The following NME7 variants were observed in gnomAD, a reference collection of about 807,000 sequenced individuals.
The protein encoded by NME7 is nucleoside diphosphate kinase 7.
Under a neutral mutation model 49.1 loss-of-function variants are expected in NME7, and 41 were observed. That is an observed-to-expected ratio of 0.83 (90% confidence interval 0.65 to 1.08). NME7 has a LOEUF of 1.08. Among genes scored for constraint, NME7 ranks in the 50% least tolerant of loss-of-function variants. The pLI is 0.00. For synonymous variants in NME7, 139 were observed against 150.6 expected, an observed-to-expected ratio of 0.92 and a Z score of 0.56; for missense variants, 423 against 463.4, an observed-to-expected ratio of 0.91 and a Z score of 0.80.
chr1:169,229,892 G>A (rs767163508), intron 10 of NME7, among the ~76,000 whole-genome samples: 17 of 151,948 alleles, frequency 1.1e-4, no homozygotes, highest in Non-Finnish European at 2.2e-4. Flanking sequence ...AGCCCGGGAG[G>A]TGGAGGTTGC....
At chr1:169,201,631 C>T (rs146875287) in intron 10 of NME7, among the ~76,000 whole-genome samples, 1,942 of 152,212 alleles carry the variant, frequency 0.013, 33 homozygotes, top group Middle Eastern at 0.024. Flanking sequence ...AGACACACTT[C>T]AAGGTTTCTG....
intron 11 of NME7, among the ~76,000 whole-genome samples, chr1:169,142,836 C>T (rs1470591357): frequency 1.3e-5 from 2 of 152,136 alleles, no homozygotes; most frequent in Non-Finnish European, 2.9e-5. Context: ...CGCATGGCAT[C>T]CTGGAGCCGG....
At chr1:169,187,229 C>T (rs1323490581) in intron 10 of NME7, among the ~76,000 whole-genome samples, 6 of 150,374 alleles carry the variant, frequency 4.0e-5, no homozygotes, top group East Asian at 1.9e-4. Context: ...AGAATGATTT[C>T]GGGTGGAGAG....
chr1:169,209,076 T>C (rs886516436), intron 10 of NME7, among the ~76,000 whole-genome samples: 1 of 151,168 alleles, frequency 6.6e-6, no homozygotes, highest in Admixed American at 6.6e-5. Context: ...TTACAAAACT[T>C]GAGTTTTTAA....
At chr1:169,235,285 T>C (rs1442220393) in intron 8 of NME7, 86 bp from the exon 9 acceptor site, 5 of 602,862 alleles carry the variant, frequency 8.3e-6, no homozygotes, top group African/African-American at 1.9e-5. Flanking sequence ...TTAACACTTG[T>C]AATCTCTTCT....
chr1:169,253,328 T>G (rs1478755620), intron 7 of NME7, among the ~76,000 whole-genome samples: 3 of 150,308 alleles, frequency 2.0e-5, no homozygotes, highest in African/African-American at 7.4e-5. Flanking sequence ...GAAGCAATTG[T>G]GAATGGGAGT....
chr1:169,312,049 T>C (rs557614936), intron 3 of NME7, among the ~76,000 whole-genome samples: 46 of 152,346 alleles, frequency 3.0e-4, no homozygotes, highest in Non-Finnish European at 6.2e-4. Context: ...GTAGTATCTC[T>C]GTTATCTGTA....
At chr1:169,257,665 T>C (rs1312795982) in intron 7 of NME7, among the ~76,000 whole-genome samples, 2 of 134,482 alleles carry the variant, frequency 1.5e-5, no homozygotes, top group East Asian at 2.0e-4. Context: ...TTCTGGTTCA[T>C]AATTGCCTTT....
At chr1:169,187,331 T>C (rs1463826272) in intron 10 of NME7, among the ~76,000 whole-genome samples, 2 of 152,172 alleles carry the variant, frequency 1.3e-5, no homozygotes, top group Non-Finnish European at 2.9e-5. Flanking sequence ...ATCTGTCTAA[T>C]ATTGAGAGTA....
At position 169,209,836 on chromosome 1, in the gene NME7, T is replaced by C. The variant is rs535919796; in HGVS notation, c.990+20882A>G. Among the ~76,000 whole-genome samples the C allele has an allele frequency of 1.1e-4, 16 of 152,250 alleles. No individual in the cohort carries two copies. The East Asian group carries it at 3.1e-3, about 29-fold the overall frequency. ...ATTAGACTTCCTTGAATTCCTAGAA[T>C]ATGCTAGGTTCTCCCCAGATTTAGG... On this transcript the variant is annotated intron_variant, in intron 10 of 11. Transcript: ENST00000367811.
At chr1:169,317,104 A>T (rs1571383525) in intron 3 of NME7, among the ~76,000 whole-genome samples, 1 of 152,190 alleles carries the variant, frequency 6.6e-6, no homozygotes, top group East Asian at 1.9e-4. Flanking sequence ...TGAAAATATA[A>T]CCATTCCAGA....
intron 7 of NME7, among the ~76,000 whole-genome samples, chr1:169,240,155 A>C (rs1361522455): frequency 3.9e-5 from 6 of 152,114 alleles, no homozygotes; most frequent in Non-Finnish European, 8.8e-5. Flanking sequence ...TTATGAGTTA[A>C]AACAAAATTT....
intron 10 of NME7, among the ~76,000 whole-genome samples, chr1:169,178,829 T>G (rs1408509424): frequency 1.3e-5 from 2 of 149,040 alleles, no homozygotes; most frequent in Non-Finnish European, 3.0e-5. Context: ...TCTTTTTTTT[T>G]TTTTTTTTTG....
At chr1:169,306,162 G>C (rs1337143923) in intron 4 of NME7, among the ~76,000 whole-genome samples, 1 of 152,184 alleles carries the variant, frequency 6.6e-6, no homozygotes, top group Non-Finnish European at 1.5e-5. Context: ...TATCCTCTTA[G>C]AGCTATTACA....
chr1:169,360,445 A>T (rs1653614354), intron 1 of NME7, among the ~76,000 whole-genome samples: 1 of 152,226 alleles, frequency 6.6e-6, no homozygotes, highest in Non-Finnish European at 1.5e-5. Flanking sequence ...AATAGGTAAA[A>T]TATATAAGAT....
At chr1:169,301,320 A>G (rs1217626125) in intron 5 of NME7, among the ~76,000 whole-genome samples, 1 of 152,206 alleles carries the variant, frequency 6.6e-6, no homozygotes, top group Admixed American at 6.5e-5. Context: ...GCATACGAAA[A>G]AACGCTCAAT....
intron 10 of NME7, among the ~76,000 whole-genome samples, chr1:169,171,050 A>G (rs930781978): frequency 1.3e-5 from 2 of 152,198 alleles, no homozygotes; most frequent in African/African-American, 2.4e-5. Flanking sequence ...CGGTCAGGGA[A>G]AAAAACACTT....
intron 10 of NME7, among the ~76,000 whole-genome samples, chr1:169,174,168 C>CA (rs1323595213): frequency 3.3e-5 from 5 of 151,918 alleles, no homozygotes; most frequent in African/African-American, 4.8e-5. Flanking sequence ...TCTAAGATAT[C>CA]AAAAAAATGC....
chr1:169,253,777 T>C (rs1648757417), intron 7 of NME7, among the ~76,000 whole-genome samples: 1 of 152,010 alleles, frequency 6.6e-6, no homozygotes, highest in Non-Finnish European at 1.5e-5. Context: ...CATAAAGGGT[T>C]GTTGAATTTT....
Sources: gnomAD v4.1 joint callset for allele counts (sites outside exome capture counted in the v4.1 genomes callset) on GRCh38, gnomAD v4.1.1 for gene constraint, MANE v1.5 for transcripts, NCBI Gene and HGNC (gene_info 2026-07-23, HGNC 2026-07-21) for gene names.